SCMH1: variants seen among roughly 807,000 people sequenced by gnomAD.
The protein encoded by SCMH1 is Scm polycomb group protein homolog 1.
A neutral mutation model predicts 70.8 loss-of-function variants in SCMH1; 37 were observed. That is an observed-to-expected ratio of 0.52 (90% CI 0.40 to 0.69). The LOEUF is 0.69. Among genes scored for constraint, SCMH1 ranks in the 30% least tolerant of loss-of-function variants. SCMH1 has a pLI of 0.00. For synonymous variants in SCMH1, 292 were observed against 307.4 expected (o/e 0.95, Z 0.52); for missense variants, 607 against 827.3 (o/e 0.73, Z 3.27).
intron 13 of SCMH1, among the ~76,000 whole-genome samples, chr1:41,029,859 TC>T (rs1644276837): frequency 6.6e-6 from 1 of 152,210 alleles, no homozygotes; most frequent in South Asian, 2.1e-4. Context: ...TGTACCATTT[TC>T]CCCCATCACA....
chr1:41,183,478 A>T (rs1649366482), intron 2 of SCMH1, among the ~76,000 whole-genome samples: 1 of 152,142 alleles, frequency 6.6e-6, no homozygotes, highest in Admixed American at 6.6e-5. Context: ...TATTTGGGAA[A>T]TTCCTATTTA....
chr1:41,178,320 A>G (rs1366083314), intron 2 of SCMH1, among the ~76,000 whole-genome samples: 1 of 152,222 alleles, frequency 6.6e-6, no homozygotes, highest in African/African-American at 2.4e-5. Context: ...CTAGGAAGAA[A>G]CTGCATCAAC....
Position 41,121,376 on chromosome 1 carries a change from T to G in SCMH1, c.413-4366A>C, listed in dbSNP as rs118058809. 1.8e-3 allele frequency among the ~76,000 whole-genome samples: 277 copies of G among 152,344 alleles called. 3 individuals carry two copies. The East Asian group carries it at 0.025, about 14-fold the overall frequency. Reference sequence around the variant, plus strand: ...CTTTCATAACTAATCATCACATTAATATCGTCAAATATTTTATCACTCAGT... The same window carrying G: ...CTTTCATAACTAATCATCACATTAAGATCGTCAAATATTTTATCACTCAGT... On this transcript the variant is annotated intron_variant, in intron 6 of 14. Transcript: ENST00000337495.
intron 2 of SCMH1, chr1:41,163,019 T>G (rs757699221): frequency 6.6e-6 from 1 of 152,276 alleles, no homozygotes; most frequent in Non-Finnish European, 1.5e-5. Context: ...CCCTGCTTGC[T>G]GCAGTTTGGG....
intron 1 of SCMH1, among the ~76,000 whole-genome samples, chr1:41,195,546 G>A (rs946980016): frequency 6.6e-6 from 1 of 151,394 alleles, no homozygotes; most frequent in Non-Finnish European, 1.5e-5. Context: ...AATAAACTAA[G>A]AATAGAAGGG....
chr1:41,190,418 T>G (rs1362815340), intron 1 of SCMH1, among the ~76,000 whole-genome samples: 1 of 152,206 alleles, frequency 6.6e-6, no homozygotes, highest in African/African-American at 2.4e-5. Context: ...GGAAGAACTT[T>G]CTGCCAGTCA....
intron 6 of SCMH1, among the ~76,000 whole-genome samples, chr1:41,142,319 C>G (rs968933090): frequency 2.6e-5 from 4 of 152,076 alleles, no homozygotes; most frequent in Admixed American, 6.6e-5. Flanking sequence ...GGCTGAATCC[C>G]TCAGATTTAT....
intron 1 of SCMH1, among the ~76,000 whole-genome samples, chr1:41,230,558 T>A (rs1166118917): frequency 1.3e-5 from 2 of 151,762 alleles, no homozygotes; most frequent in Admixed American, 6.6e-5. Flanking sequence ...CTCAGAAGGC[T>A]GAGGGAAGAG....
intron 2 of SCMH1, among the ~76,000 whole-genome samples, chr1:41,162,427 G>A (rs1180057977): frequency 1.3e-5 from 2 of 152,144 alleles, no homozygotes; most frequent in Non-Finnish European, 2.9e-5. Context: ...CTGCAGACTG[G>A]AGTGGGGACT....
At chr1:41,116,320 T>C (rs926946564) in intron 7 of SCMH1, among the ~76,000 whole-genome samples, 3 of 152,206 alleles carry the variant, frequency 2.0e-5, no homozygotes, top group South Asian at 2.1e-4. Context: ...TTTTACCCCA[T>C]TAGAAAATTC....
chr1:41,178,327 C>T (rs537105921), intron 2 of SCMH1, among the ~76,000 whole-genome samples: 6 of 152,284 alleles, frequency 3.9e-5, no homozygotes, highest in Admixed American at 1.3e-4. Context: ...GAAACTGCAT[C>T]AACTAACGAG....
chr1:41,139,673 A>C (rs1342112613), intron 6 of SCMH1, among the ~76,000 whole-genome samples: 1 of 152,116 alleles, frequency 6.6e-6, no homozygotes. Context: ...CACTAAATGA[A>C]AAAAGGCAGG....
chr1:41,050,239 A>G (rs1647586395), intron 10 of SCMH1, among the ~76,000 whole-genome samples: 1 of 152,142 alleles, frequency 6.6e-6, no homozygotes, highest in Non-Finnish European at 1.5e-5. Context: ...GTCAGCAATG[A>G]CATTTTCTCC....
chr1:41,202,432 T>A (rs867342710), intron 1 of SCMH1, among the ~76,000 whole-genome samples: 6 of 152,176 alleles, frequency 3.9e-5, no homozygotes, highest in Non-Finnish European at 4.4e-5. Context: ...CTTACTTTCA[T>A]AAAATCTACT....
At chr1:41,083,131 T>G (rs990250545) in intron 8 of SCMH1, among the ~76,000 whole-genome samples, 8 of 152,234 alleles carry the variant, frequency 5.3e-5, no homozygotes, top group Admixed American at 2.0e-4. Flanking sequence ...CCAGGGCAAT[T>G]AGGCAGGAGA....
chr1:41,161,393 T>C, exon 3 of SCMH1: 2 of 1,550,576 alleles, frequency 1.3e-6, no homozygotes, highest in South Asian at 1.2e-5. Context: ...CTCTGATAGG[T>C]GACCATATTT....
At chr1:41,158,317 G>A (rs1162811000) in intron 4 of SCMH1, among the ~76,000 whole-genome samples, 1 of 152,144 alleles carries the variant, frequency 6.6e-6, no homozygotes, top group Non-Finnish European at 1.5e-5. Flanking sequence ...AATCTAGTGA[G>A]GGACAGAGAC....
At chr1:41,051,762 G>A (rs985820949) in intron 10 of SCMH1, among the ~76,000 whole-genome samples, 2 of 152,112 alleles carry the variant, frequency 1.3e-5, no homozygotes, top group Non-Finnish European at 2.9e-5. Context: ...GTTATTAAAA[G>A]AGTCAAAAAG....
rs182109083 is a variant in SCMH1, at chr1:41,167,820, A to C, written c.14-6388T>G. Among the ~76,000 whole-genome samples, 46 of 151,870 alleles carry C rather than the reference A, an allele frequency of 3.0e-4. 1 individual carries two copies. In the East Asian group the frequency reaches 8.9e-3, roughly 29 times the overall value. On this transcript the variant is annotated intron_variant, in intron 2 of 14. Transcript: ENST00000337495. ...TTGTAAGGCTGGTCTAGTGGGGATA[A>C]ATTCTGTTTTTATTTGAGAAAGTCT...
Sources: allele counts gnomAD v4.1 joint callset (sites outside exome capture counted in the v4.1 genomes callset), GRCh38; gene constraint gnomAD v4.1.1; transcripts MANE v1.5; gene names NCBI Gene and HGNC (gene_info 2026-07-23, HGNC 2026-07-21).